SLC25A19: variants seen among roughly 807,000 people sequenced by gnomAD.
The protein encoded by SLC25A19 is mitochondrial thiamine pyrophosphate carrier.
A neutral mutation model predicts 27.9 loss-of-function variants in SLC25A19; 18 were observed. That is an observed-to-expected ratio of 0.64 (90% CI 0.45 to 0.96). SLC25A19 has a LOEUF of 0.96. Among genes scored for constraint, SLC25A19 ranks in the 40% least tolerant of loss-of-function variants. The pLI, the probability that SLC25A19 is intolerant of heterozygous loss-of-function variation, is 0.00. For missense variants in SLC25A19, 371 were observed against 418.3 expected (o/e 0.89, Z 0.99); for synonymous variants, 169 against 167.1 (o/e 1.01, Z -0.09).
At chr17:75,286,192 G>T in intron 4 of SLC25A19, 112 bp downstream of exon 4, 1 of 1,351,152 alleles carries the variant, frequency 7.4e-7, no homozygotes, top group Non-Finnish European at 1.0e-6. Flanking sequence ...GAAGCGTGGG[G>T]CCTGCCTCTT....
chr17:75,286,914 C>T, intron 2 of SLC25A19, 112 bp from the exon 3 acceptor site: 3 of 1,088,482 alleles, frequency 2.8e-6, no homozygotes, highest in East Asian at 2.7e-5. Context: ...ATAGCACTCA[C>T]TTTTGGACTG....
chr17:75,278,011 T>G, intron 6 of SLC25A19, 141 bp downstream of exon 6: 1 of 831,120 alleles, frequency 1.2e-6, no homozygotes, highest in Non-Finnish European at 2.0e-6. Flanking sequence ...GCAGTTGTTT[T>G]GTTTGCCACA....
rs2078108268 is a variant in SLC25A19, at chr17:75,283,588, C to T, written c.294G>A (p.Leu98=). 6.2e-7 allele frequency: 1 copy of T among 1,612,942 alleles called. No individual in the cohort carries two copies. The highest frequency in any genetic ancestry group is 8.5e-7 in the Non-Finnish European group (1 of 1,179,470). The stretch of plus-strand genomic sequence containing the variant: ...CCAGCTCCGTCAGCATTTCAAATGA[C>T]AAGAACTGCAAGAGTAAGTGAAGAA... The part of the protein sequence containing the change: ...LSIGYGAVQF[L]SFEMLTELVH... The change falls in exon 5 of 8, where the codon TTG becomes TTA. Residue 98 remains leucine, a synonymous_variant. Coordinates refer to ENST00000416858, the MANE Select transcript of SLC25A19 (RefSeq NM_001126121.2).
intron 6 of SLC25A19, 147 bp downstream of exon 6, chr17:75,278,005 T>G: frequency 2.6e-6 from 2 of 774,634 alleles, no homozygotes; most frequent in South Asian, 1.5e-5. Flanking sequence ...GCAGCTGCAG[T>G]TGTTTTGTTT....
At chr17:75,273,937 T>C in intron 7 of SLC25A19, 1 of 364,598 alleles carries the variant, frequency 2.7e-6, no homozygotes, top group Admixed American at 3.9e-5. Flanking sequence ...ATTTTTTGTA[T>C]TTTTAGTAGA....
intron 4 of SLC25A19, among the ~76,000 whole-genome samples, chr17:75,285,825 T>C (rs1221404877): frequency 6.6e-6 from 1 of 152,216 alleles, no homozygotes. Flanking sequence ...TCACATGCTG[T>C]GCACTATGAC....
rs371154305 is a variant in SLC25A19, at chr17:75,273,287, C to T, written c.*164G>A. 123 of 682,746 alleles carry T rather than the reference C, an allele frequency of 1.8e-4. 2 individuals carry two copies. The South Asian group carries it at 2.1e-3, about 12-fold the overall frequency. The allele number at this position is 682,746 out of a possible 1,614,324, so 42.3% of individuals were successfully genotyped here. A position where few individuals can be genotyped will look rare whatever the true frequency, so the allele number is the denominator to read the frequency against. ...CCCTCTGATTCTCTCATGGGGAGAG[C>T]CCTGGACCTTCTGGTGGTGTCCCAG... On this transcript the variant is annotated 3_prime_UTR_variant, in exon 8 of 8. Transcript: ENST00000416858.
chr17:75,286,571 G>A, intron 3 of SLC25A19, 62 bp downstream of exon 3: 2 of 1,614,054 alleles, frequency 1.2e-6, no homozygotes, highest in Non-Finnish European at 1.7e-6. Context: ...TTTAGGAACT[G>A]CTTTTGCAAG....
chr17:75,280,283 A>C (rs1480070535), intron 5 of SLC25A19, among the ~76,000 whole-genome samples: 1 of 151,784 alleles, frequency 6.6e-6, no homozygotes. Flanking sequence ...AGGTGGGAGG[A>C]TTGCTTGACC....
chr17:75,278,305 T>C lies in SLC25A19; in HGVS notation c.490A>G (p.Thr164Ala). ...VYNTLRHAVG[T>A]MYRSEGPQVF... ...TGGGGGCCTTCGCTCCTATACATGG[T>C]CCCCACGGCGTGGCGCAGCGTATTA... Residue 164 changes from threonine to alanine, a missense_variant, in exon 6 of 8, where the codon ACC (threonine) becomes GCC (alanine). Thr to Ala is a moderately conservative substitution (Grantham distance 58). Transcript: ENST00000416858. 6.2e-7 allele frequency: 1 copy of C among 1,613,976 alleles called. No homozygotes were observed. The highest frequency in any genetic ancestry group is 8.5e-7 in the Non-Finnish European group (1 of 1,180,008).
At position 75,273,177 on chromosome 17, in the gene SLC25A19, G is replaced by C. The variant is rs7198; in HGVS notation, c.*274C>G. 0.63 allele frequency: 300,833 copies of C among 476,366 alleles called. 103,331 individuals carry two copies. Among genetic ancestry groups the C allele is most frequent in the East Asian group, 0.87 (21,702 of 24,848 alleles). The allele number at this position is 476,366 out of a possible 1,614,324, so 29.5% of individuals were successfully genotyped here. ...TGTAGGATGGCGTCTGTTTCCTTTGGAGTGTGGGCTGGTCAGAGGAGAAAC... is the reference window on the plus strand; with the variant it reads ...TGTAGGATGGCGTCTGTTTCCTTTGCAGTGTGGGCTGGTCAGAGGAGAAAC... On this transcript the variant is annotated 3_prime_UTR_variant, in exon 8 of 8. Coordinates refer to ENST00000416858, the MANE Select transcript of SLC25A19 (RefSeq NM_001126121.2).
At position 75,283,415 on chromosome 17, in the gene SLC25A19, C is replaced by T; in HGVS notation, c.459+8G>A. ...TGGGCTTCCCCGGTCTGGCTCCTGGCCACTCACCTTGGGCTCACCCTGAGC... is the reference window on the plus strand; with the variant it reads ...TGGGCTTCCCCGGTCTGGCTCCTGGTCACTCACCTTGGGCTCACCCTGAGC... On this transcript the variant is annotated splice_region_variant and intron_variant, in intron 5 of 7. Coordinates refer to ENST00000416858, the MANE Select transcript of SLC25A19 (RefSeq NM_001126121.2). The T allele has an allele frequency of 6.2e-7, 1 of 1,611,520 alleles. No individual in the cohort carries two copies. Among genetic ancestry groups the T allele is most frequent in the Non-Finnish European group, 8.5e-7 (1 of 1,179,672 alleles).
chr17:75,281,709 C>A (rs191220000), intron 5 of SLC25A19, among the ~76,000 whole-genome samples: 111 of 152,196 alleles, frequency 7.3e-4, no homozygotes, highest in Non-Finnish European at 1.2e-3. Context: ...AACCAACCAA[C>A]CAAACAAACA....
intron 7 of SLC25A19, among the ~76,000 whole-genome samples, chr17:75,276,432 A>G (rs964373198): frequency 1.3e-5 from 2 of 152,086 alleles, no homozygotes; most frequent in Admixed American, 1.3e-4. Flanking sequence ...CAGTGGTGCA[A>G]TCGTGGCTCC....
At chr17:75,286,905 T>C (rs2078198594) in intron 2 of SLC25A19, 103 bp from the exon 3 acceptor site, 2 of 1,151,384 alleles carry the variant, frequency 1.7e-6, no homozygotes, top group Non-Finnish European at 2.5e-6. Flanking sequence ...CTGTCTAAAA[T>C]AGCACTCACT....
At chr17:75,281,655 C>T (rs527708455) in intron 5 of SLC25A19, among the ~76,000 whole-genome samples, 603 of 152,264 alleles carry the variant, frequency 4.0e-3, no homozygotes, top group African/African-American at 0.014. Flanking sequence ...TGAGATTGCG[C>T]CACTGCACTC....
chr17:75,278,478 C>G, intron 5 of SLC25A19, 143 bp from the exon 6 acceptor site: 2 of 878,966 alleles, frequency 2.3e-6, no homozygotes, highest in South Asian at 2.8e-5. Context: ...AAGGGAAACG[C>G]TGGACAGAGA....
chr17:75,277,249 G>T, intron 7 of SLC25A19, 104 bp downstream of exon 7: 1 of 1,479,394 alleles, frequency 6.8e-7, no homozygotes, highest in Non-Finnish European at 9.2e-7. Context: ...AGGGGCCATG[G>T]CCAGGGGTGA....
At chr17:75,275,049 T>TGTGA (rs992824021) in intron 7 of SLC25A19, among the ~76,000 whole-genome samples, 1 of 140,570 alleles carries the variant, frequency 7.1e-6, no homozygotes, top group African/African-American at 2.7e-5. Flanking sequence ...TGTGCAGTAG[T>TGTGA]GTGATCATAG....
Sources: gnomAD v4.1 joint callset for allele counts (sites outside exome capture counted in the v4.1 genomes callset) on GRCh38, gnomAD v4.1.1 for gene constraint, MANE v1.5 for transcripts, NCBI Gene and HGNC (gene_info 2026-07-23, HGNC 2026-07-21) for gene names.